The following FCRL1 variants were observed in gnomAD, a reference collection of about 807,000 sequenced individuals.
FCRL1 encodes Fc receptor-like protein 1.
A neutral mutation model predicts 49.2 loss-of-function variants in FCRL1; 34 were observed. That is an observed-to-expected ratio of 0.69 (90% CI 0.53 to 0.92). FCRL1 has a LOEUF of 0.92. Among genes scored for constraint, FCRL1 ranks in the 40% least tolerant of loss-of-function variants. The probability of loss-of-function intolerance (pLI) is 0.00; values close to 1 mark genes in which losing one functional copy is unlikely to be tolerated. For synonymous variants in FCRL1, 218 were observed against 201.6 expected (o/e 1.08, Z -0.69); for missense variants, 524 against 524.1 (o/e 1.00, Z 0.00).
chr1:157,804,729 C>T (rs1397936577), intron 2 of FCRL1, among the ~76,000 whole-genome samples: 1 of 152,180 alleles, frequency 6.6e-6, no homozygotes, highest in Non-Finnish European at 1.5e-5. Context: ...TGGAAATGCC[C>T]AGTACCCACC....
chr1:157,816,537 A>G (rs948138781), intron 1 of FCRL1, among the ~76,000 whole-genome samples: 15 of 151,868 alleles, frequency 9.9e-5, no homozygotes, highest in Admixed American at 9.2e-4. Flanking sequence ...AGAACAAGAC[A>G]AAGATGCCCA....
chr1:157,797,361 G>A (rs77600255), intron 9 of FCRL1, among the ~76,000 whole-genome samples: 8 of 152,290 alleles, frequency 5.3e-5, no homozygotes, highest in Non-Finnish European at 1.2e-4. Context: ...GCCAGGAGGG[G>A]CCTTTATACC....
chr1:157,802,763 A>G, intron 3 of FCRL1, 99 bp from the exon 4 acceptor site: 1 of 1,270,980 alleles, frequency 7.9e-7, no homozygotes, highest in South Asian at 1.5e-5. Flanking sequence ...GCATGAGTGA[A>G]GTCAATGATG....
At chr1:157,819,897 C>A in intron 1 of FCRL1, 110 bp downstream of exon 1, 1 of 1,325,540 alleles carries the variant, frequency 7.5e-7, no homozygotes. Flanking sequence ...CTGAGCACCC[C>A]TGAGCATTAC....
chr1:157,800,850 A>C (rs1015264112), intron 6 of FCRL1, among the ~76,000 whole-genome samples: 3 of 151,700 alleles, frequency 2.0e-5, no homozygotes, highest in African/African-American at 7.3e-5. Context: ...GGAACTGCTA[A>C]CAGTATTTCT....
chr1:157,807,582 C>T, intron 1 of FCRL1, among the ~76,000 whole-genome samples: 1 of 152,294 alleles, frequency 6.6e-6, no homozygotes, highest in East Asian at 1.9e-4. Context: ...AAGGGAACAA[C>T]AGAGTCAGGC....
Position 157,801,562 on chromosome 1 carries a change from C to G in FCRL1, c.902G>C (p.Arg301Thr). 6.2e-7 allele frequency: 1 copy of G among 1,613,402 alleles called. No individual in the cohort carries two copies. The highest frequency in any genetic ancestry group is 8.5e-7 in the Non-Finnish European group (1 of 1,179,504). ...GACTCCTGAGGTAAGATGATTGCTT[C>G]TGGCCCCAGTAGGCACTAGAGGGAG... ...TLNFTVPTGARSNHLTSGVIE... is the reference protein window; with the variant it reads ...TLNFTVPTGATSNHLTSGVIE... Residue 301 changes from arginine (R) to threonine (T), a missense_variant, in exon 6 of 11, where the codon AGA becomes ACA. Transcript: ENST00000368176.
chr1:157,803,862 G>T lies in FCRL1; in HGVS notation c.302C>A (p.Ser101Tyr). The T allele has an allele frequency of 6.2e-7, 1 of 1,614,086 alleles. No individual in the cohort carries two copies. The highest frequency in any genetic ancestry group is 1.3e-5 in the African/African-American group (1 of 75,036). ...MASKVLRSRR[S>Y]QINVHRVPVA... ...ACACTCACTGTGCACATTTATCTGG[G>T]ATCTCCTGCTCCTCAAGACTTTGGA... Residue 101 changes from serine (S) to tyrosine (Y), a missense_variant, in exon 3 of 11, where the codon TCC (serine) becomes TAC (tyrosine). By Grantham distance (144) the Ser-to-Tyr change is moderately radical. Coordinates refer to ENST00000368176, the MANE Select transcript of FCRL1 (RefSeq NM_052938.5).
chr1:157,798,097 A>G (rs1444834519), intron 8 of FCRL1, 64 bp downstream of exon 8: 2 of 1,549,562 alleles, frequency 1.3e-6, no homozygotes, highest in Admixed American at 3.4e-5. Flanking sequence ...AGCAGATGTT[A>G]TCCCATTGTC....
chr1:157,811,034 A>G (rs6689402), intron 1 of FCRL1, among the ~76,000 whole-genome samples: 66,704 of 151,728 alleles, frequency 0.44, 14,943 homozygotes, highest in African/African-American at 0.53. Flanking sequence ...TCCCGCCTCA[A>G]CCTCCCAAAG....
rs1048098192 is a variant in FCRL1 at position 157,795,829 on chromosome 1, G to A, written c.*270C>T. ...ATCTTGTTTCCTCTTGTAAACAGAAGAGCACAATATGACCTGTTTTCAAAG... is the reference window on the plus strand; with the variant it reads ...ATCTTGTTTCCTCTTGTAAACAGAAAAGCACAATATGACCTGTTTTCAAAG... On this transcript the variant is annotated 3_prime_UTR_variant, in exon 11 of 11. Coordinates refer to ENST00000368176, the MANE Select transcript of FCRL1 (RefSeq NM_052938.5). The A allele has an allele frequency of 2.8e-6, 1 of 357,436 alleles. No individual in the cohort carries two copies. The highest frequency in any genetic ancestry group is 2.0e-5 in the African/African-American group (1 of 49,380). 22.1% of individuals were successfully genotyped at this position (357,436 alleles called of 1,614,324 possible). A position where few individuals can be genotyped will look rare whatever the true frequency, so the allele number is the denominator to read the frequency against.
intron 1 of FCRL1, among the ~76,000 whole-genome samples, chr1:157,809,461 T>A (rs1410941759): frequency 2.0e-5 from 3 of 152,154 alleles, no homozygotes; most frequent in East Asian, 3.8e-4. Context: ...ACAAATGATT[T>A]GGGGGAGATG....
At chr1:157,817,988 C>A (rs1344089376) in intron 1 of FCRL1, among the ~76,000 whole-genome samples, 1 of 151,944 alleles carries the variant, frequency 6.6e-6, no homozygotes, top group Non-Finnish European at 1.5e-5. Context: ...TGACTATAAT[C>A]AAAAAGACCA....
At chr1:157,800,947 A>G (rs563470246) in intron 6 of FCRL1, among the ~76,000 whole-genome samples, 14 of 152,044 alleles carry the variant, frequency 9.2e-5, no homozygotes, top group Non-Finnish European at 2.9e-5. Context: ...GCTAGAGTGC[A>G]GTGCCGTGAT....
chr1:157,796,292 C>T (rs1195085766), intron 10 of FCRL1, 122 bp from the exon 11 acceptor site: 8 of 783,304 alleles, frequency 1.0e-5, no homozygotes, highest in South Asian at 9.3e-5. Flanking sequence ...AAAATAAGGG[C>T]CTCTTGGAAA....
intron 1 of FCRL1, among the ~76,000 whole-genome samples, chr1:157,811,254 T>A (rs1654282514): frequency 6.6e-6 from 1 of 152,134 alleles, no homozygotes; most frequent in Admixed American, 6.5e-5. Context: ...AGGAAACAAC[T>A]ACATTTTGAC....
intron 1 of FCRL1, among the ~76,000 whole-genome samples, chr1:157,816,925 A>G (rs150256522): frequency 3.3e-5 from 5 of 152,128 alleles, no homozygotes; most frequent in African/African-American, 1.2e-4. Context: ...TAAAATAATA[A>G]AATACTTAGG....
intron 1 of FCRL1, among the ~76,000 whole-genome samples, chr1:157,809,325 G>A (rs988182203): frequency 2.0e-5 from 3 of 152,122 alleles, no homozygotes; most frequent in South Asian, 4.1e-4. Context: ...GAAGGCTGAG[G>A]TGGGAGGATT....
chr1:157,815,794 G>A (rs1654948996), intron 1 of FCRL1, among the ~76,000 whole-genome samples: 1 of 151,750 alleles, frequency 6.6e-6, no homozygotes, highest in African/African-American at 2.4e-5. Flanking sequence ...GATTATAAAG[G>A]ATAAAGGATT....
Sources: gnomAD v4.1 joint callset for allele counts (sites outside exome capture counted in the v4.1 genomes callset) on GRCh38, gnomAD v4.1.1 for gene constraint, MANE v1.5 for transcripts, NCBI Gene and HGNC (gene_info 2026-07-23, HGNC 2026-07-21) for gene names.